CPNE4: variants seen among roughly 807,000 people sequenced by gnomAD.
CPNE4 encodes the protein copine 4.
In CPNE4, 25 loss-of-function variants were observed where a neutral mutation model predicts 67.9. The ratio of observed to expected loss-of-function variants is 0.37; its 90% CI spans 0.27 to 0.51. CPNE4 has a LOEUF of 0.51. Among genes scored for constraint, CPNE4 ranks in the 20% least tolerant of loss-of-function variants. CPNE4 has a pLI of 0.93. For missense variants in CPNE4, 464 were observed against 690.8 expected (o/e 0.67, Z 3.68); for synonymous variants, 242 against 244.9 (o/e 0.99, Z 0.11).
chr3:131,734,234 G>T (rs1029555348), intron 2 of CPNE4, among the ~76,000 whole-genome samples: 13 of 152,178 alleles, frequency 8.5e-5, no homozygotes, highest in Non-Finnish European at 4.4e-5. Context: ...GCACTTTGTT[G>T]TAAATCAGGA....
intron 1 of CPNE4, among the ~76,000 whole-genome samples, chr3:132,012,039 T>A (rs1342424463): frequency 6.6e-6 from 1 of 152,186 alleles, no homozygotes; most frequent in Admixed American, 6.5e-5. Flanking sequence ...GTACATTTTT[T>A]AGGCTTTGGG....
intron 1 of CPNE4, among the ~76,000 whole-genome samples, chr3:131,952,794 T>A (rs138843477): frequency 0.45 from 67,990 of 151,612 alleles, 15,542 homozygotes; most frequent in East Asian, 0.53. Flanking sequence ...TTTTGTGGAA[T>A]AGAAAGGGGG....
intron 7 of CPNE4, among the ~76,000 whole-genome samples, chr3:131,652,108 C>T (rs1367674763): frequency 6.6e-6 from 1 of 152,190 alleles, no homozygotes; most frequent in Non-Finnish European, 1.5e-5. Flanking sequence ...GATATGCTTT[C>T]CAAAGAAATT....
intron 3 of CPNE4, among the ~76,000 whole-genome samples, chr3:131,720,275 C>G (rs1318179096): frequency 1.4e-5 from 2 of 143,766 alleles, no homozygotes; most frequent in South Asian, 2.3e-4. Flanking sequence ...ACCTTAGGAA[C>G]AGGAATGGGT....
At position 131,581,675 on chromosome 3, in the gene CPNE4, G is replaced by A. The variant is rs755445886; in HGVS notation, c.781-10C>T. The A allele has an allele frequency of 3.1e-6, 5 of 1,593,970 alleles. No homozygotes were observed. The Admixed American group carries it at 8.3e-5, about 27-fold the overall frequency. ...TGCACTCCCACTGCACCTGAAAGAAGGGTCATAGCATGAGAATCTGTTCAG... is the reference window on the plus strand; with the variant it reads ...TGCACTCCCACTGCACCTGAAAGAAAGGTCATAGCATGAGAATCTGTTCAG... On this transcript the variant is annotated splice_polypyrimidine_tract_variant and intron_variant, in intron 8 of 15. Coordinates refer to ENST00000429747, the MANE Select transcript of CPNE4 (RefSeq NM_130808.3).
chr3:131,542,875 A>G lies in CPNE4; in HGVS notation c.1303-82T>C, dbSNP rs564745088. ...ACAATACAATACCAGTTAGACACCC[A>G]GGTGGCCTCACTGCACATTGACCAA... is the stretch of plus-strand genomic sequence containing the variant. On this transcript the variant is annotated intron_variant, in intron 14 of 15. Coordinates refer to ENST00000429747, the MANE Select transcript of CPNE4 (RefSeq NM_130808.3). The G allele has an allele frequency of 7.6e-5, 74 of 972,900 alleles. 1 individual carries two copies. In the South Asian group the frequency reaches 1.0e-3, roughly 14 times the overall value. 60.3% of individuals were successfully genotyped at this position (972,900 alleles called of 1,614,324 possible).
At chr3:131,839,615 AT>A (rs2085695870) in intron 2 of CPNE4, among the ~76,000 whole-genome samples, 1 of 152,074 alleles carries the variant, frequency 6.6e-6, no homozygotes, top group Non-Finnish European at 1.5e-5. Flanking sequence ...ATAGTACAAT[AT>A]TGATAGTGAT....
At chr3:131,976,327 AAAAC>A (rs1205635425) in intron 1 of CPNE4, among the ~76,000 whole-genome samples, 6 of 152,234 alleles carry the variant, frequency 3.9e-5, no homozygotes, top group South Asian at 2.1e-4. Flanking sequence ...GCTTCATATA[AAAAC>A]AAACAAACAA....
chr3:132,034,526 C>G (rs1480362495), intron 1 of CPNE4, 41 bp downstream of exon 1: 1 of 949,310 alleles, frequency 1.1e-6, no homozygotes, highest in Admixed American at 6.2e-5. Context: ...GCAATCACAG[C>G]GCCCCAGGAA....
intron 1 of CPNE4, among the ~76,000 whole-genome samples, chr3:131,933,230 G>C (rs2071123506): frequency 6.6e-6 from 1 of 152,136 alleles, no homozygotes; most frequent in African/African-American, 2.4e-5. Flanking sequence ...AAAGAGGAAG[G>C]ATGGAATAGA....
chr3:131,544,751 A>G (rs1041547405), intron 14 of CPNE4, among the ~76,000 whole-genome samples: 3 of 152,136 alleles, frequency 2.0e-5, no homozygotes, highest in Non-Finnish European at 2.9e-5. Context: ...CACCCTCTCT[A>G]GAGTGCACCT....
intron 2 of CPNE4, among the ~76,000 whole-genome samples, chr3:131,788,667 CAG>C (rs2083628992): frequency 6.6e-6 from 1 of 151,956 alleles, no homozygotes; most frequent in Non-Finnish European, 1.5e-5. Context: ...AAGATATAAA[CAG>C]TGATAAATAT....
intron 2 of CPNE4, among the ~76,000 whole-genome samples, chr3:131,746,678 G>T (rs1445145476): frequency 1.3e-5 from 2 of 152,036 alleles, no homozygotes; most frequent in African/African-American, 4.8e-5. Flanking sequence ...TCTGTTGATG[G>T]ACATTTAGGT....
chr3:131,920,883 C>T (rs1201649530), intron 1 of CPNE4, among the ~76,000 whole-genome samples: 1 of 152,126 alleles, frequency 6.6e-6, no homozygotes, highest in Non-Finnish European at 1.5e-5. Context: ...TCCCTCTCCG[C>T]AAATTGAGCT....
chr3:131,585,490 A>C (rs1938119181), intron 8 of CPNE4, among the ~76,000 whole-genome samples: 1 of 152,210 alleles, frequency 6.6e-6, no homozygotes, highest in African/African-American at 2.4e-5. Context: ...GCACATTAGC[A>C]TATGGTCCAT....
intron 1 of CPNE4, among the ~76,000 whole-genome samples, chr3:132,027,863 T>G (rs1409631618): frequency 6.6e-6 from 1 of 152,254 alleles, no homozygotes; most frequent in Non-Finnish European, 1.5e-5. Flanking sequence ...GCCATTCTAT[T>G]GCCCTTATTA....
intron 2 of CPNE4, among the ~76,000 whole-genome samples, chr3:131,742,786 T>TA (rs1345665772): frequency 6.6e-6 from 1 of 151,868 alleles, no homozygotes; most frequent in African/African-American, 2.4e-5. Flanking sequence ...AAAGGAAAAA[T>TA]AAAAATAGAT....
At chr3:131,667,138 T>G (rs1394779729) in intron 7 of CPNE4, among the ~76,000 whole-genome samples, 1 of 152,172 alleles carries the variant, frequency 6.6e-6, no homozygotes. Context: ...ACTTTTGCCT[T>G]CATGGGCCCC....
At chr3:131,963,278 C>A (rs1441921161) in intron 1 of CPNE4, among the ~76,000 whole-genome samples, 1 of 152,156 alleles carries the variant, frequency 6.6e-6, no homozygotes, top group East Asian at 1.9e-4. Context: ...GCCTACACCA[C>A]CAGGGCCCTG....
Sources: gnomAD v4.1 joint callset for allele counts (sites outside exome capture counted in the v4.1 genomes callset) on GRCh38, gnomAD v4.1.1 for gene constraint, MANE v1.5 for transcripts, NCBI Gene and HGNC (gene_info 2026-07-23, HGNC 2026-07-21) for gene names.